CDH18: variants seen among roughly 807,000 people sequenced by gnomAD.
CDH18 encodes cadherin-18.
Under a neutral mutation model 67.9 loss-of-function variants are expected in CDH18, and 31 were observed. The ratio of observed to expected loss-of-function variants is 0.46; its 90% confidence interval spans 0.34 to 0.62. The LOEUF is 0.62. Among genes scored for constraint, CDH18 ranks in the 20% least tolerant of loss-of-function variants. CDH18 has a pLI of 0.01. For synonymous variants in CDH18, 362 were observed against 347.2 expected (o/e 1.04, Z -0.48); for missense variants, 890 against 975.5 (o/e 0.91, Z 1.17).
chr5:19,613,527 T>TA (rs1405347283), intron 5 of CDH18, among the ~76,000 whole-genome samples: 4 of 152,140 alleles, frequency 2.6e-5, no homozygotes, highest in Admixed American at 1.3e-4. Flanking sequence ...AAATCATCTG[T>TA]AAAAAATCAC....
intron 1 of CDH18, among the ~76,000 whole-genome samples, chr5:20,365,614 ATAAAT>A (rs1742452412): frequency 1.3e-5 from 2 of 152,192 alleles, no homozygotes; most frequent in Admixed American, 1.3e-4. Flanking sequence ...CTATTGATGG[ATAAAT>A]TAATTAAAAT....
At chr5:20,539,295 G>A (rs1439247602) in intron 1 of CDH18, among the ~76,000 whole-genome samples, 3 of 152,056 alleles carry the variant, frequency 2.0e-5, no homozygotes, top group Non-Finnish European at 4.4e-5. Flanking sequence ...ATCATCGTCT[G>A]TGAGAAACTG....
chr5:19,579,898 AC>A (rs150006454), intron 7 of CDH18, among the ~76,000 whole-genome samples: 10 of 149,454 alleles, frequency 6.7e-5, no homozygotes, highest in East Asian at 2.0e-4. Flanking sequence ...CCTTCAATCC[AC>A]CCCCCCCAAA....
chr5:20,024,033 A>G (rs886768412), intron 2 of CDH18, among the ~76,000 whole-genome samples: 6 of 152,178 alleles, frequency 3.9e-5, no homozygotes, highest in Admixed American at 3.9e-4. Flanking sequence ...CAAGGAGTAG[A>G]GCTAATTGGA....
At position 19,980,800 on chromosome 5, in the gene CDH18, AT is replaced by A. The variant is rs1201366569; in HGVS notation, c.-257+259del. On this transcript the variant is annotated intron_variant, in intron 2 of 12. Transcript: ENST00000382275. ...TACAGTTGCGTATTCCATTGACTGCATTTTATCCCCACTTGGACATCTCAAT... is the reference window on the plus strand; with the variant it reads ...TACAGTTGCGTATTCCATTGACTGCATTTATCCCCACTTGGACATCTCAAT... 3.3e-5 allele frequency among the ~76,000 whole-genome samples: 5 copies of A among 152,258 alleles called. No homozygotes were observed. In the South Asian group the frequency reaches 8.3e-4, roughly 25 times the overall value.
At chr5:20,436,165 A>G (rs1749151829) in intron 1 of CDH18, among the ~76,000 whole-genome samples, 1 of 151,990 alleles carries the variant, frequency 6.6e-6, no homozygotes, top group Non-Finnish European at 1.5e-5. Flanking sequence ...AGCCCAGGGG[A>G]AGAAAATAAT....
intron 1 of CDH18, among the ~76,000 whole-genome samples, chr5:20,494,514 C>A (rs1753794950): frequency 6.6e-6 from 1 of 151,992 alleles, no homozygotes; most frequent in Admixed American, 6.6e-5. Flanking sequence ...TCAAAACTGT[C>A]TGAAAAAGTA....
At chr5:20,287,657 C>G (rs993643985) in intron 1 of CDH18, among the ~76,000 whole-genome samples, 5 of 151,698 alleles carry the variant, frequency 3.3e-5, no homozygotes, top group Non-Finnish European at 7.4e-5. Context: ...TACATTGAAT[C>G]ATGATGAGCT....
intron 5 of CDH18, among the ~76,000 whole-genome samples, chr5:19,697,002 A>G (rs1411302746): frequency 6.6e-6 from 1 of 152,214 alleles, no homozygotes; most frequent in Non-Finnish European, 1.5e-5. Context: ...AGTCTTGCAC[A>G]TAAGATGCAA....
intron 1 of CDH18, among the ~76,000 whole-genome samples, chr5:20,295,633 A>C (rs1747432633): frequency 6.6e-6 from 1 of 151,772 alleles, no homozygotes; most frequent in Non-Finnish European, 1.5e-5. Flanking sequence ...AGGCTAAGGC[A>C]GGAGAATCAC....
intron 1 of CDH18, among the ~76,000 whole-genome samples, chr5:20,286,353 A>G (rs986414625): frequency 1.3e-5 from 2 of 151,670 alleles, no homozygotes; most frequent in African/African-American, 4.8e-5. Context: ...GCTACTTATA[A>G]TAATAGCTAA....
chr5:19,608,670 C>T (rs538158408), intron 6 of CDH18, among the ~76,000 whole-genome samples: 1 of 151,868 alleles, frequency 6.6e-6, no homozygotes, highest in South Asian at 2.1e-4. Context: ...TTACATGGCA[C>T]TAAACCAACT....
intron 2 of CDH18, among the ~76,000 whole-genome samples, chr5:20,138,788 C>G (rs1749973871): frequency 1.3e-5 from 2 of 152,220 alleles, no homozygotes; most frequent in South Asian, 4.1e-4. Flanking sequence ...AGGAGACCTA[C>G]AAACCACTGC....
chr5:19,591,287 A>C (rs567781284), intron 6 of CDH18, 43 bp from the exon 7 acceptor site: 17 of 1,312,718 alleles, frequency 1.3e-5, no homozygotes, highest in Admixed American at 2.4e-5. Flanking sequence ...TACAATGTTC[A>C]TGAAATAATC....
Position 19,969,394 on chromosome 5 carries a change from T to C in CDH18, c.-257+11666A>G, listed in dbSNP as rs367787829. ...ATGCTGCTATAAAGACACATGCACA[T>C]GTATGTTTATTGCGGCACTATTCCC... is the stretch of plus-strand genomic sequence containing the variant. On this transcript the variant is annotated intron_variant, in intron 2 of 12. Transcript: ENST00000382275. Among the ~76,000 whole-genome samples, 5 of 150,214 alleles carry C rather than the reference T, an allele frequency of 3.3e-5. No homozygotes were observed. The East Asian group carries it at 5.8e-4, about 18-fold the overall frequency.
At chr5:20,219,451 G>T (rs1741042133) in intron 2 of CDH18, among the ~76,000 whole-genome samples, 1 of 150,646 alleles carries the variant, frequency 6.6e-6, no homozygotes, top group South Asian at 2.1e-4. Flanking sequence ...AATAGCAGAG[G>T]AAGGGATACT....
intron 8 of CDH18, among the ~76,000 whole-genome samples, chr5:19,558,492 A>G (rs1738855279): frequency 6.6e-6 from 1 of 152,088 alleles, no homozygotes; most frequent in Non-Finnish European, 1.5e-5. Flanking sequence ...CATACAAAAG[A>G]GCATTCTAGG....
rs1209443788 is a variant in CDH18, at chr5:19,472,664, G to A, written c.*562C>T. Among the ~76,000 whole-genome samples, 7 of 152,034 alleles carry A rather than the reference G, an allele frequency of 4.6e-5. No homozygotes were observed. The highest frequency in any genetic ancestry group is 1.7e-4 in the African/African-American group (7 of 41,410). ...AGAAAAGAACTGGGGAGGGCAAAGG[G>A]AAATGGTACATACAAGTCCATGATA... On this transcript the variant is annotated 3_prime_UTR_variant, in exon 13 of 13. Coordinates refer to ENST00000382275, the MANE Select transcript of CDH18 (RefSeq NM_004934.5).
intron 4 of CDH18, among the ~76,000 whole-genome samples, chr5:19,745,335 C>T (rs1581164058): frequency 1.3e-5 from 2 of 152,184 alleles, no homozygotes; most frequent in African/African-American, 4.8e-5. Flanking sequence ...GTATTGGCTA[C>T]TGTTTAGTAT....
Sources: gnomAD v4.1 joint callset for allele counts (sites outside exome capture counted in the v4.1 genomes callset) on GRCh38, gnomAD v4.1.1 for gene constraint, MANE v1.5 for transcripts, NCBI Gene and HGNC (gene_info 2026-07-23, HGNC 2026-07-21) for gene names.